Variants in ZFPM2 observed in about 807,000 individuals in gnomAD.
ZFPM2 encodes the protein zinc finger protein, FOG family member 2.
Under a neutral mutation model 98.6 loss-of-function variants are expected in ZFPM2, and 20 were observed. The observed-to-expected ratio is 0.20, with a 90% CI of 0.14 to 0.29. The LOEUF (loss-of-function observed/expected upper bound fraction) is 0.29. ZFPM2 is among the 10% of genes least tolerant of loss of function. ZFPM2 has a pLI of 1.00. For synonymous variants in ZFPM2, 518 were observed against 502.7 expected, an observed-to-expected ratio of 1.03 and a Z score of -0.41; for missense variants, 1,310 against 1,388.6, an observed-to-expected ratio of 0.94 and a Z score of 0.90.
At chr8:105,515,693 G>A (rs1409579849) in intron 3 of ZFPM2, among the ~76,000 whole-genome samples, 1 of 152,128 alleles carries the variant, frequency 6.6e-6, no homozygotes, top group Non-Finnish European at 1.5e-5. Flanking sequence ...GTTGCAGGCT[G>A]TGGTTCTTTG....
At chr8:105,525,293 C>T (rs1814151067) in intron 3 of ZFPM2, among the ~76,000 whole-genome samples, 1 of 152,170 alleles carries the variant, frequency 6.6e-6, no homozygotes, top group Non-Finnish European at 1.5e-5. Flanking sequence ...TTACTTCTGA[C>T]CTATCAGCTT....
chr8:105,594,089 A>G (rs1815912573), intron 4 of ZFPM2, among the ~76,000 whole-genome samples: 1 of 152,120 alleles, frequency 6.6e-6, no homozygotes. Context: ...AATTTTGATT[A>G]CCTTGTTCGT....
At chr8:105,448,102 G>T (rs1213634864) in intron 3 of ZFPM2, among the ~76,000 whole-genome samples, 1 of 151,980 alleles carries the variant, frequency 6.6e-6, no homozygotes, top group Non-Finnish European at 1.5e-5. Flanking sequence ...TGAGTGAAAA[G>T]CTAGACACAC....
chr8:105,533,032 G>A (rs552215792), intron 3 of ZFPM2, among the ~76,000 whole-genome samples: 10 of 151,954 alleles, frequency 6.6e-5, no homozygotes, highest in Non-Finnish European at 1.0e-4. Context: ...ATTTGAATGC[G>A]TAGAATTAAC....
At chr8:105,354,287 C>T (rs1424831016) in intron 1 of ZFPM2, among the ~76,000 whole-genome samples, 1 of 152,188 alleles carries the variant, frequency 6.6e-6, no homozygotes, top group East Asian at 1.9e-4. Context: ...TGTCACTTGA[C>T]AATTTGCTTT....
chr8:105,497,779 C>T (rs927106238), intron 3 of ZFPM2, among the ~76,000 whole-genome samples: 2 of 152,030 alleles, frequency 1.3e-5, no homozygotes, highest in African/African-American at 4.8e-5. Flanking sequence ...GGGATGGAGC[C>T]ATGTTTAGGA....
chr8:105,803,566 A>G lies in ZFPM2; in HGVS notation c.*28A>G, dbSNP rs766866915. ...TAACTAAACATCAGTCACCTTTGGT[A>G]TCAGTGTTTAGTATGTTGTTCTAAC... On this transcript the variant is annotated 3_prime_UTR_variant, in exon 8 of 8. Transcript: ENST00000407775. 2.3e-5 allele frequency: 37 copies of G among 1,576,768 alleles called. No homozygotes were observed. The highest frequency in any genetic ancestry group is 3.0e-5 in the Non-Finnish European group (35 of 1,159,380).
At chr8:105,449,271 A>C (rs1812439214) in intron 3 of ZFPM2, among the ~76,000 whole-genome samples, 1 of 152,050 alleles carries the variant, frequency 6.6e-6, no homozygotes, top group Non-Finnish European at 1.5e-5. Context: ...AATAAAGGAA[A>C]ATATCATGCT....
intron 3 of ZFPM2, among the ~76,000 whole-genome samples, chr8:105,521,164 C>A (rs905005500): frequency 2.0e-5 from 3 of 151,736 alleles, no homozygotes; most frequent in Admixed American, 6.6e-5. Flanking sequence ...AACACACACA[C>A]GCATGCACAC....
At position 105,617,020 on chromosome 8, in the gene ZFPM2, G is replaced by GGAAAAAAAAA. The variant is rs1816431048; in HGVS notation, c.421-17226_421-17225insGAAAAAAAAA. Among the ~76,000 whole-genome samples the GGAAAAAAAAA allele has an allele frequency of 2.1e-4, 6 of 28,136 alleles. 1 individual carries two copies. Among genetic ancestry groups the GGAAAAAAAAA allele is most frequent in the African/African-American group, 7.5e-4 (5 of 6,688 alleles). The allele number at this position is 28,136 out of a possible 152,430, so 18.5% of individuals were successfully genotyped here. A position where few individuals can be genotyped will look rare whatever the true frequency, so the allele number is the denominator to read the frequency against. On this transcript the variant is annotated intron_variant, in intron 4 of 7. Coordinates refer to ENST00000407775, the MANE Select transcript of ZFPM2 (RefSeq NM_012082.4). ...GGACTACTGAGCAAGACTCTGTCTC[G>GGAAAAAAAAA]AAAAAAAAAAAAAAAAAAAAAAAAA...
intron 5 of ZFPM2, among the ~76,000 whole-genome samples, chr8:105,708,003 C>T (rs1431629555): frequency 6.6e-6 from 1 of 152,140 alleles, no homozygotes; most frequent in African/African-American, 2.4e-5. Context: ...TTGACTAGAA[C>T]TCGTCATATG....
Position 105,599,175 on chromosome 8 carries a change from G to T in ZFPM2, c.421-35071G>T, listed in dbSNP as rs555084563. 2.6e-5 allele frequency among the ~76,000 whole-genome samples: 4 copies of T among 152,026 alleles called. No individual in the cohort carries two copies. In the South Asian group the frequency reaches 8.3e-4, roughly 32 times the overall value. ...GCTCTCTTGAAATGCCACTCTCCCT[G>T]GGTGTCTTTCTTTAGTATTCCCACT... On this transcript the variant is annotated intron_variant, in intron 4 of 7. Transcript: ENST00000407775.
intron 6 of ZFPM2, among the ~76,000 whole-genome samples, chr8:105,794,435 G>GGAA (rs1022892759): frequency 4.6e-5 from 7 of 152,156 alleles, no homozygotes; most frequent in Non-Finnish European, 1.0e-4. Flanking sequence ...TCGTTCCTCT[G>GGAA]GAAGTTTTGT....
At chr8:105,491,380 C>T (rs115073581) in intron 3 of ZFPM2, among the ~76,000 whole-genome samples, 96 of 152,178 alleles carry the variant, frequency 6.3e-4, no homozygotes, top group African/African-American at 2.1e-3. Flanking sequence ...TTCAATTATG[C>T]AATTTTCATT....
At chr8:105,536,495 A>G (rs1814455829) in intron 3 of ZFPM2, among the ~76,000 whole-genome samples, 1 of 151,970 alleles carries the variant, frequency 6.6e-6, no homozygotes, top group Non-Finnish European at 1.5e-5. Flanking sequence ...CCGTTTCATA[A>G]TGCTCAAAAA....
chr8:105,645,588 G>A (rs1817026793), intron 5 of ZFPM2, among the ~76,000 whole-genome samples: 2 of 152,180 alleles, frequency 1.3e-5, no homozygotes, highest in South Asian at 4.1e-4. Context: ...GAAAGGAGAA[G>A]TTTATTTCTA....
At chr8:105,759,110 A>G (rs1218450903) in intron 5 of ZFPM2, among the ~76,000 whole-genome samples, 1 of 152,136 alleles carries the variant, frequency 6.6e-6, no homozygotes, top group Non-Finnish European at 1.5e-5. Context: ...TTTTATTTGC[A>G]GGCTCTAAAA....
chr8:105,614,934 T>A (rs1289364748), intron 4 of ZFPM2, among the ~76,000 whole-genome samples: 1 of 152,184 alleles, frequency 6.6e-6, no homozygotes, highest in East Asian at 1.9e-4. Flanking sequence ...GATTTTACTA[T>A]CAACTGGCCT....
intron 5 of ZFPM2, among the ~76,000 whole-genome samples, chr8:105,680,099 A>G (rs1321939836): frequency 6.6e-6 from 1 of 152,170 alleles, no homozygotes; most frequent in African/African-American, 2.4e-5. Flanking sequence ...TGATGAAAAT[A>G]TTTTGAAACA....
Sources: gnomAD v4.1 joint callset for allele counts (sites outside exome capture counted in the v4.1 genomes callset) on GRCh38, gnomAD v4.1.1 for gene constraint, MANE v1.5 for transcripts, NCBI Gene and HGNC (gene_info 2026-07-23, HGNC 2026-07-21) for gene names.